FYB1: variants seen among roughly 807,000 people sequenced by gnomAD.
FYB1 encodes the protein FYN-binding protein 1.
Under a neutral mutation model 94.1 loss-of-function variants are expected in FYB1, and 41 were observed. The ratio of observed to expected loss-of-function variants is 0.44; its 90% CI spans 0.34 to 0.57. The LOEUF (loss-of-function observed/expected upper bound fraction) is 0.57. Among genes scored for constraint, FYB1 ranks in the 20% least tolerant of loss-of-function variants. The pLI is 0.02. For synonymous variants in FYB1, 367 were observed against 353.2 expected (o/e 1.04, Z -0.44); for missense variants, 1,050 against 976.8 (o/e 1.07, Z -1.00).
chr5:39,202,653 G>T lies in FYB1; in HGVS notation c.308C>A (p.Pro103His). 1 of 1,613,872 alleles carries T rather than the reference G, an allele frequency of 6.2e-7. No homozygotes were observed. The highest frequency in any genetic ancestry group is 8.5e-7 in the Non-Finnish European group (1 of 1,179,882). ...TTTCAGAAATCCCACTTTCGCCTCGGGGTCTCTGGTGGTCAAGCTGGCTGG... is the reference window on the plus strand; with the variant it reads ...TTTCAGAAATCCCACTTTCGCCTCGTGGTCTCTGGTGGTCAAGCTGGCTGG... Reference protein sequence around the residue: ...GTPASLTTRDPEAKVGFLKPV... With the variant: ...GTPASLTTRDHEAKVGFLKPV... Residue 103 changes from proline to histidine, a missense_variant, in exon 2 of 19, where the codon CCC (proline) becomes CAC (histidine). Pro to His is a moderately conservative substitution (Grantham distance 77). Coordinates refer to ENST00000512982, the MANE Select transcript of FYB1 (RefSeq NM_001465.6).
At chr5:39,188,656 C>T (rs1321324812) in intron 2 of FYB1, among the ~76,000 whole-genome samples, 1 of 151,564 alleles carries the variant, frequency 6.6e-6, no homozygotes, top group African/African-American at 2.4e-5. Context: ...GTGACTTTCC[C>T]AAGTAGCTGG....
intron 14 of FYB1, among the ~76,000 whole-genome samples, chr5:39,120,832 T>C (rs959834209): frequency 6.6e-6 from 1 of 152,146 alleles, no homozygotes; most frequent in Non-Finnish European, 1.5e-5. Context: ...ACAATATCTA[T>C]ATCAGGTTCT....
chr5:39,245,729 G>A (rs1751447215), intron 1 of FYB1, among the ~76,000 whole-genome samples: 1 of 152,014 alleles, frequency 6.6e-6, no homozygotes, highest in African/African-American at 2.4e-5. Context: ...CTCCTGAGTA[G>A]CTGGGATTAC....
At chr5:39,181,997 C>A (rs184552762) in intron 2 of FYB1, among the ~76,000 whole-genome samples, 97 of 152,224 alleles carry the variant, frequency 6.4e-4, no homozygotes, top group African/African-American at 2.3e-3. Flanking sequence ...ACTTATTCAT[C>A]TTGTGTAGCT....
intron 1 of FYB1, among the ~76,000 whole-genome samples, chr5:39,256,292 C>G (rs1751938192): frequency 6.6e-6 from 1 of 152,180 alleles, no homozygotes; most frequent in African/African-American, 2.4e-5. Flanking sequence ...AGCATCATTT[C>G]CCAGGAATGT....
intron 1 of FYB1, among the ~76,000 whole-genome samples, chr5:39,268,975 T>C (rs922035556): frequency 6.6e-6 from 1 of 152,208 alleles, no homozygotes; most frequent in African/African-American, 2.4e-5. Context: ...TGTTATCTTG[T>C]TTTGCCTAAG....
chr5:39,134,374 T>C (rs143895160), intron 8 of FYB1, 25 bp from the exon 9 acceptor site: 3 of 1,551,926 alleles, frequency 1.9e-6, no homozygotes, highest in Admixed American at 3.5e-5. Flanking sequence ...AATATTTATG[T>C]TCAGGCAACT....
chr5:39,238,335 G>A (rs1056624755), intron 1 of FYB1, among the ~76,000 whole-genome samples: 1 of 151,846 alleles, frequency 6.6e-6, no homozygotes. Context: ...CTGAGTGGGA[G>A]AAAGAAAATG....
intron 2 of FYB1, among the ~76,000 whole-genome samples, chr5:39,200,435 A>AAGTC (rs1175878023): frequency 4.6e-5 from 7 of 152,234 alleles, no homozygotes; most frequent in Non-Finnish European, 1.0e-4. Context: ...CCCTGGTGTG[A>AAGTC]AGTCACAGCC....
intron 2 of FYB1, among the ~76,000 whole-genome samples, chr5:39,184,238 C>T (rs1403952710): frequency 1.3e-5 from 2 of 152,102 alleles, no homozygotes; most frequent in African/African-American, 4.8e-5. Flanking sequence ...ATTCAACCAA[C>T]TGATCAATGA....
chr5:39,193,160 C>T (rs1262354312), intron 2 of FYB1, among the ~76,000 whole-genome samples: 1 of 152,144 alleles, frequency 6.6e-6, no homozygotes, highest in Non-Finnish European at 1.5e-5. Flanking sequence ...CCTGAGTGTC[C>T]TTGACCAGTG....
chr5:39,133,460 A>C (rs183774495), intron 9 of FYB1, among the ~76,000 whole-genome samples: 10 of 152,296 alleles, frequency 6.6e-5, no homozygotes, highest in African/African-American at 2.2e-4. Context: ...AGTACAAAAG[A>C]GACAAAAGAA....
intron 9 of FYB1, among the ~76,000 whole-genome samples, chr5:39,133,863 T>G (rs1461837569): frequency 6.6e-6 from 1 of 152,164 alleles, no homozygotes. Flanking sequence ...TGGGCTAAAT[T>G]TTATATTTTA....
At chr5:39,221,137 A>G (rs143155523), upstream of FYB1, among the ~76,000 whole-genome samples, 1 of 152,080 alleles carries the variant, frequency 6.6e-6, no homozygotes, top group Admixed American at 6.5e-5. Context: ...GTTTTAGTCA[A>G]TGGGATCTAT....
intron 1 of FYB1, among the ~76,000 whole-genome samples, chr5:39,249,802 ATGG>A (rs1751639726): frequency 6.6e-6 from 1 of 152,218 alleles, no homozygotes; most frequent in Non-Finnish European, 1.5e-5. Context: ...CTGGTGAAAG[ATGG>A]TGACTTCATC....
chr5:39,162,024 AT>A (rs143215623), intron 2 of FYB1, among the ~76,000 whole-genome samples: 5,893 of 152,282 alleles, frequency 0.039, 391 homozygotes, highest in African/African-American at 0.13. Flanking sequence ...AGATATTAAT[AT>A]TACTATCTTA....
chr5:39,174,411 T>C (rs1745520469), intron 2 of FYB1, among the ~76,000 whole-genome samples: 1 of 152,208 alleles, frequency 6.6e-6, no homozygotes, highest in Non-Finnish European at 1.5e-5. Flanking sequence ...AATTTACTGT[T>C]CCAGTGCTTT....
chr5:39,242,946 A>G (rs1304248149), intron 1 of FYB1, among the ~76,000 whole-genome samples: 8 of 152,104 alleles, frequency 5.3e-5, no homozygotes, highest in Admixed American at 5.2e-4. Context: ...TTCTTTTGAG[A>G]AGTGTCTGTT....
At chr5:39,124,338 C>T (rs371557632) in intron 12 of FYB1, 60 bp from the exon 13 acceptor site, 12 of 1,221,440 alleles carry the variant, frequency 9.8e-6, no homozygotes, top group African/African-American at 4.8e-5. Context: ...AAATTGATTC[C>T]GTTATATAGG....
Sources: gnomAD v4.1 joint callset for allele counts (sites outside exome capture counted in the v4.1 genomes callset) on GRCh38, gnomAD v4.1.1 for gene constraint, MANE v1.5 for transcripts, NCBI Gene and HGNC (gene_info 2026-07-23, HGNC 2026-07-21) for gene names.